The following ZC3H12B variants were observed in gnomAD, a reference collection of about 807,000 sequenced individuals.
ZC3H12B encodes zinc finger CCCH-type containing 12B.
Under a neutral mutation model 43.9 loss-of-function variants are expected in ZC3H12B, and 7 were observed. The observed-to-expected ratio is 0.16, with a 90% CI of 0.09 to 0.30. The LOEUF (loss-of-function observed/expected upper bound fraction) is 0.30, where lower values mean the gene tolerates loss of function less well. Ranked by LOEUF, ZC3H12B falls within the 10% of genes least tolerant of loss-of-function variation. The probability of loss-of-function intolerance (pLI) is 1.00; values close to 1 mark genes in which losing one functional copy is unlikely to be tolerated. For synonymous variants in ZC3H12B, 222 were observed against 241.7 expected (o/e 0.92, Z 0.76); for missense variants, 475 against 670.2 (o/e 0.71, Z 3.22).
At chrX:65,076,868 T>G in the ZC3H12B span, among the ~76,000 whole-genome samples, 1 of 111,894 alleles carries the variant, frequency 8.9e-6, no homozygotes, top group Non-Finnish European at 1.9e-5. Flanking sequence ...TCTTATCAGT[T>G]TTAACTTTCT....
At chrX:65,248,022 C>G in the ZC3H12B span, among the ~76,000 whole-genome samples, 1 of 105,368 alleles carries the variant, frequency 9.5e-6, no homozygotes, top group Non-Finnish European at 1.9e-5. Context: ...TTTGGAAGAT[C>G]AAATAGGCAA....
the ZC3H12B span, among the ~76,000 whole-genome samples, chrX:65,106,036 CTT>C: frequency 4.5e-5 from 5 of 111,947 alleles, no homozygotes; most frequent in African/African-American, 1.6e-4. Flanking sequence ...GTGTGACACA[CTT>C]AATTCATTTA....
chrX:65,092,211 G>C, the ZC3H12B span, among the ~76,000 whole-genome samples: 6 of 111,983 alleles, frequency 5.4e-5, no homozygotes, highest in Non-Finnish European at 9.4e-5. Context: ...TGTACAGCCT[G>C]TGGAACCATG....
the ZC3H12B span, among the ~76,000 whole-genome samples, chrX:65,120,504 C>G: frequency 9.0e-6 from 1 of 111,582 alleles, no homozygotes; most frequent in Admixed American, 9.6e-5. Flanking sequence ...ATTTTGTATC[C>G]TGAGACTTTG....
intron 3 of ZC3H12B, among the ~76,000 whole-genome samples, chrX:65,400,769 A>G (rs1382139827): frequency 9.0e-6 from 1 of 111,644 alleles, no homozygotes; most frequent in Non-Finnish European, 1.9e-5. Context: ...AATGAAAAGA[A>G]GATTCAACAG....
At chrX:65,127,188 G>C in the ZC3H12B span, among the ~76,000 whole-genome samples, 4 of 111,471 alleles carry the variant, frequency 3.6e-5, no homozygotes, top group Non-Finnish European at 7.5e-5. Context: ...TTTCCCACAG[G>C]GTGCTCCCTT....
intron 3 of ZC3H12B, among the ~76,000 whole-genome samples, chrX:65,417,196 G>A (rs185617955): frequency 2.0e-3 from 224 of 111,571 alleles, no homozygotes; most frequent in African/African-American, 7.0e-3. Context: ...TATGTACAGG[G>A]TGGTAAACCA....
chrX:65,275,568 G>A, the ZC3H12B span, among the ~76,000 whole-genome samples: 1 of 112,976 alleles, frequency 8.9e-6, no homozygotes, highest in Admixed American at 9.3e-5. Context: ...CTAAGCAACT[G>A]AGAAACTCAC....
chrX:65,100,215 TC>T, the ZC3H12B span, among the ~76,000 whole-genome samples: 1 of 110,718 alleles, frequency 9.0e-6, no homozygotes, highest in African/African-American at 3.3e-5. Context: ...GAACAAAGCC[TC>T]CAAGAAATAT....
chrX:65,161,240 T>G, the ZC3H12B span, among the ~76,000 whole-genome samples: 1 of 111,582 alleles, frequency 9.0e-6, no homozygotes, highest in South Asian at 3.8e-4. Context: ...TATATTCTGT[T>G]GATTTGGGGT....
intron 3 of ZC3H12B, among the ~76,000 whole-genome samples, chrX:65,438,778 C>T (rs1188278942): frequency 8.8e-6 from 1 of 113,494 alleles, no homozygotes; most frequent in South Asian, 3.5e-4. Context: ...CGGTTTTCCG[C>T]CCTGGGCGGG....
intron 3 of ZC3H12B, among the ~76,000 whole-genome samples, chrX:65,463,836 T>A (rs919606223): frequency 1.8e-5 from 2 of 111,211 alleles, no homozygotes; most frequent in Non-Finnish European, 3.8e-5. Context: ...GACCATTGAA[T>A]ACACATTTCA....
chrX:65,121,225 G>A, the ZC3H12B span, among the ~76,000 whole-genome samples: 1 of 111,563 alleles, frequency 9.0e-6, no homozygotes, highest in African/African-American at 3.3e-5. Context: ...AGAAGGAATG[G>A]TACCAGCTCC....
chrX:65,479,816 T>G (rs1264072512), intron 3 of ZC3H12B, among the ~76,000 whole-genome samples: 1 of 112,498 alleles, frequency 8.9e-6, no homozygotes, highest in African/African-American at 3.2e-5. Context: ...TATTGAAAAT[T>G]AAAGTACACT....
At chrX:65,179,526 A>C in the ZC3H12B span, among the ~76,000 whole-genome samples, 1 of 111,022 alleles carries the variant, frequency 9.0e-6, no homozygotes, top group Non-Finnish European at 1.9e-5. Flanking sequence ...GACACAAAAA[A>C]CCCTTCAAAA....
the ZC3H12B span, among the ~76,000 whole-genome samples, chrX:65,241,226 T>C: frequency 8.9e-6 from 1 of 112,482 alleles, no homozygotes; most frequent in East Asian, 2.8e-4. Context: ...GAGATCAAAG[T>C]TCTGTTTGTA....
chrX:65,136,086 TATG>T, the ZC3H12B span, among the ~76,000 whole-genome samples: 1 of 111,986 alleles, frequency 8.9e-6, no homozygotes, highest in Non-Finnish European at 1.9e-5. Context: ...CTGGTCTTAA[TATG>T]ATGAATGATT....
chrX:65,270,094 T>C, the ZC3H12B span, among the ~76,000 whole-genome samples: 1 of 106,060 alleles, frequency 9.4e-6, no homozygotes, highest in East Asian at 2.8e-4. Flanking sequence ...AGAAAGAAAA[T>C]CTAAGTAGGA....
At chrX:65,201,467 CTATTT>C in the ZC3H12B span, among the ~76,000 whole-genome samples, 1 of 110,835 alleles carries the variant, frequency 9.0e-6, no homozygotes, top group Admixed American at 9.6e-5. Flanking sequence ...AGCTAGTGGT[CTATTT>C]TATTAATTTT....
Sources: gnomAD v4.1 joint callset for allele counts (sites outside exome capture counted in the v4.1 genomes callset) on GRCh38, gnomAD v4.1.1 for gene constraint, MANE v1.5 for transcripts, NCBI Gene and HGNC (gene_info 2026-07-23, HGNC 2026-07-21) for gene names.